Variants in PIP5K1A observed in about 807,000 individuals in gnomAD.
The protein encoded by PIP5K1A is phosphatidylinositol-4-phosphate 5-kinase type 1 alpha, also known as phosphatidylinositol 4-phosphate 5-kinase type-1 alpha.
A neutral mutation model predicts 72.9 loss-of-function variants in PIP5K1A; 46 were observed. The ratio of observed to expected loss-of-function variants is 0.63; its 90% confidence interval spans 0.50 to 0.81. PIP5K1A has a LOEUF of 0.81. PIP5K1A is among the 30% of genes least tolerant of loss of function. The pLI, the probability that PIP5K1A is intolerant of heterozygous loss-of-function variation, is 0.00. For synonymous variants in PIP5K1A, 228 were observed against 255.1 expected, an observed-to-expected ratio of 0.89 and a Z score of 1.01; for missense variants, 458 against 706.1, an observed-to-expected ratio of 0.65 and a Z score of 3.98.
chr1:151,195,782 A>G (rs1684539441), upstream of PIP5K1A, among the ~76,000 whole-genome samples: 1 of 150,248 alleles, frequency 6.7e-6, no homozygotes. Flanking sequence ...AGATTAGCTC[A>G]CAGGGAGAAG....
In PIP5K1A at chr1:151,198,793, T is replaced by C. The variant is rs1684783242; in HGVS notation, c.-204T>C. On this transcript the variant is annotated 5_prime_UTR_variant, in exon 1 of 16. Transcript: ENST00000368888. ...TTGTGGAGGGGGTGCGGGACGTGAG[T>C]TCTTCCCCATGCCAGGCGAATGGTG... The C allele has an allele frequency of 1.5e-6, 1 of 649,464 alleles. No homozygotes were observed. The highest frequency in any genetic ancestry group is 1.8e-5 in the South Asian group (1 of 55,626). 40.2% of individuals were successfully genotyped at this position (649,464 alleles called of 1,614,324 possible). A position where few individuals can be genotyped will look rare whatever the true frequency, so the allele number is the denominator to read the frequency against.
rs1558225923 is a variant in PIP5K1A, at chr1:151,199,137, G to A, written c.85+56G>A. 3 of 1,612,346 alleles carry A rather than the reference G, an allele frequency of 1.9e-6. No homozygotes were observed. In the Admixed American group the frequency reaches 5.0e-5, roughly 27 times the overall value. ...GGTGAGGAATATGCGATGGGAGGAA[G>A]AGCGAGACCTAAGAGGGTACCTGTA... On this transcript the variant is annotated intron_variant, in intron 1 of 15. Coordinates refer to ENST00000368888, the MANE Select transcript of PIP5K1A (RefSeq NM_001135638.2).
At chr1:151,216,869 C>T (rs1687706637) in intron 1 of PIP5K1A, among the ~76,000 whole-genome samples, 1 of 151,266 alleles carries the variant, frequency 6.6e-6, no homozygotes, top group South Asian at 2.1e-4. Flanking sequence ...AAATTTTAAC[C>T]AACCTACCCA....
Position 151,236,746 on chromosome 1 carries a change from C to G in PIP5K1A, c.1128C>G (p.Thr376=). Residue 376 remains threonine (T), a synonymous_variant, in exon 9 of 16, where the codon ACC becomes ACG. Transcript: ENST00000368888. The stretch of plus-strand genomic sequence containing the variant: ...AGGGAGAGGCTCGACGGGGTGGTAC[C>G]ATGGAGACTGATGACCAGTAAGTGG... ...SIQGEARRGG[T]METDDHMGGI... is the part of the protein sequence containing the mutation. The G allele has an allele frequency of 1.2e-6, 2 of 1,612,950 alleles. No individual in the cohort carries two copies. The highest frequency in any genetic ancestry group is 1.7e-6 in the Non-Finnish European group (2 of 1,179,628).
chr1:151,240,782 T>TA (rs893589140), intron 12 of PIP5K1A, among the ~76,000 whole-genome samples: 1 of 152,086 alleles, frequency 6.6e-6, no homozygotes, highest in Non-Finnish European at 1.5e-5. Flanking sequence ...TTTAAAAAGA[T>TA]AAAAAAATCT....
chr1:151,236,475 C>G, intron 8 of PIP5K1A, 83 bp from the exon 9 acceptor site: 1 of 1,081,144 alleles, frequency 9.2e-7, no homozygotes, highest in Non-Finnish European at 1.3e-6. Flanking sequence ...TACCCTTTCT[C>G]AAAAAAACAA....
chr1:151,212,449 G>A (rs1686955157), intron 1 of PIP5K1A, among the ~76,000 whole-genome samples: 1 of 152,192 alleles, frequency 6.6e-6, no homozygotes, highest in African/African-American at 2.4e-5. Context: ...CTGGAAATCA[G>A]CTTCCCCAGT....
intron 1 of PIP5K1A, among the ~76,000 whole-genome samples, chr1:151,207,291 GCTTATTCAGGAAAC>G (rs1686072828): frequency 6.6e-6 from 1 of 152,190 alleles, no homozygotes; most frequent in Non-Finnish European, 1.5e-5. Flanking sequence ...GCCATGGGTA[GCTTATTCAGGAAAC>G]CCAAGTCTTT....
At chr1:151,214,440 AC>A (rs1203746725) in intron 1 of PIP5K1A, among the ~76,000 whole-genome samples, 3 of 150,740 alleles carry the variant, frequency 2.0e-5, no homozygotes, top group African/African-American at 7.3e-5. Flanking sequence ...GATTTCAGTG[AC>A]CCCATCTCGG....
chr1:151,205,672 C>T lies in PIP5K1A; in HGVS notation c.85+6591C>T, dbSNP rs139569562. Among the ~76,000 whole-genome samples, 221 of 152,048 alleles carry T rather than the reference C, an allele frequency of 1.5e-3. 1 individual carries two copies. Among genetic ancestry groups the T allele is most frequent in the African/African-American group, 5.2e-3 (215 of 41,514 alleles). On this transcript the variant is annotated intron_variant, in intron 1 of 15. Transcript: ENST00000368888. ...AATTAGTCAGACGTGGTGGCGTGCT[C>T]GTGTAATCCCAGCTGCTAGGGAGGC...
intron 14 of PIP5K1A, among the ~76,000 whole-genome samples, chr1:151,244,165 A>G (rs1444639021): frequency 6.7e-6 from 1 of 150,084 alleles, no homozygotes; most frequent in Non-Finnish European, 1.5e-5. Context: ...AAAAGAAAGA[A>G]ACGAAAAAAT....
At chr1:151,245,294 C>T (rs1692335884) in intron 14 of PIP5K1A, among the ~76,000 whole-genome samples, 1 of 152,130 alleles carries the variant, frequency 6.6e-6, no homozygotes, top group Non-Finnish European at 1.5e-5. Context: ...TGTTGCTAAA[C>T]TTTGTGCTGC....
chr1:151,214,026 TAA>T (rs1347337367), intron 1 of PIP5K1A, among the ~76,000 whole-genome samples: 1 of 152,196 alleles, frequency 6.6e-6, no homozygotes, highest in Non-Finnish European at 1.5e-5. Context: ...AATTTATAGA[TAA>T]AGTTTTTATA....
intron 1 of PIP5K1A, among the ~76,000 whole-genome samples, chr1:151,215,628 C>T (rs1687481814): frequency 6.6e-6 from 1 of 152,154 alleles, no homozygotes; most frequent in South Asian, 2.1e-4. Context: ...GCCCGGCATT[C>T]TTTTTTAAAA....
At chr1:151,242,324 G>C in intron 13 of PIP5K1A, 55 bp downstream of exon 13, 1 of 1,605,858 alleles carries the variant, frequency 6.2e-7, no homozygotes, top group South Asian at 1.1e-5. Flanking sequence ...CCTTCCTTCT[G>C]AGCCTTTATC....
intron 3 of PIP5K1A, among the ~76,000 whole-genome samples, chr1:151,224,915 C>T (rs1688886900): frequency 6.6e-6 from 1 of 152,168 alleles, no homozygotes; most frequent in Non-Finnish European, 1.5e-5. Context: ...AATGCAGGCC[C>T]TTTTGACCTG....
intron 14 of PIP5K1A, 76 bp downstream of exon 14, chr1:151,242,643 G>A (rs1158135379): frequency 3.2e-6 from 4 of 1,244,566 alleles, no homozygotes; most frequent in African/African-American, 3.0e-5. Context: ...TAATTTGATT[G>A]CATCATAATA....
At chr1:151,220,454 C>A (rs1279651034) in intron 1 of PIP5K1A, among the ~76,000 whole-genome samples, 3 of 151,926 alleles carry the variant, frequency 2.0e-5, no homozygotes, top group Non-Finnish European at 1.5e-5. Flanking sequence ...TAATGAACCT[C>A]CATATACTTA....
At chr1:151,206,895 C>T (rs1053029171) in intron 1 of PIP5K1A, among the ~76,000 whole-genome samples, 14 of 151,152 alleles carry the variant, frequency 9.3e-5, no homozygotes, top group South Asian at 2.1e-4. Flanking sequence ...GACGGGGTTT[C>T]GCCATGTTCG....
Sources: gnomAD v4.1 joint callset for allele counts (sites outside exome capture counted in the v4.1 genomes callset) on GRCh38, gnomAD v4.1.1 for gene constraint, MANE v1.5 for transcripts, NCBI Gene and HGNC (gene_info 2026-07-23, HGNC 2026-07-21) for gene names.